Variants in BICD1 observed in about 807,000 individuals in gnomAD.
The protein encoded by BICD1 is BICD cargo adaptor 1.
BICD1 carries 35 observed loss-of-function variants against 92.5 expected under a neutral mutation model. The ratio of observed to expected loss-of-function variants is 0.38; its 90% CI spans 0.29 to 0.50. BICD1 has a LOEUF of 0.50. BICD1 is among the 20% of genes least tolerant of loss of function. BICD1 has a pLI of 0.93. For missense variants in BICD1, 950 were observed against 1,189.8 expected, an observed-to-expected ratio of 0.80 and a Z score of 2.97; for synonymous variants, 429 against 465.1, an observed-to-expected ratio of 0.92 and a Z score of 1.00.
intron 1 of BICD1, among the ~76,000 whole-genome samples, chr12:32,171,989 ACT>A (rs1476019788): frequency 9.3e-5 from 11 of 118,246 alleles, no homozygotes; most frequent in African/African-American, 2.9e-4. Context: ...ACACACACAC[ACT>A]AAAACTGCTG....
intron 1 of BICD1, among the ~76,000 whole-genome samples, chr12:32,147,212 A>G (rs185323056): frequency 2.2e-3 from 340 of 152,200 alleles, no homozygotes; most frequent in Non-Finnish European, 4.1e-3. Context: ...GATTACATAT[A>G]TGAGCCACTG....
At chr12:32,305,022 A>AGAAC (rs1234888969) in intron 3 of BICD1, among the ~76,000 whole-genome samples, 1 of 146,826 alleles carries the variant, frequency 6.8e-6, no homozygotes, top group African/African-American at 2.6e-5. Flanking sequence ...ACCCTCTCTC[A>AGAAC]AAACAAACCA....
At chr12:32,367,838 A>G in intron 9 of BICD1, 93 bp downstream of exon 9, 2 of 1,142,766 alleles carry the variant, frequency 1.8e-6, no homozygotes, top group Non-Finnish European at 2.6e-6. Context: ...CCTACGCATC[A>G]TTGTATTTTG....
intron 4 of BICD1, among the ~76,000 whole-genome samples, chr12:32,306,736 C>T (rs980396142): frequency 3.3e-5 from 5 of 151,518 alleles, no homozygotes; most frequent in African/African-American, 1.2e-4. Context: ...TTCCTTGGGC[C>T]GGGCGCGGTG....
At chr12:32,361,872 C>T (rs1006977425) in intron 8 of BICD1, among the ~76,000 whole-genome samples, 5 of 152,214 alleles carry the variant, frequency 3.3e-5, no homozygotes, top group African/African-American at 2.4e-5. Flanking sequence ...CCTCACTACT[C>T]ATCGTGGCTG....
At position 32,306,079 on chromosome 12, in the gene BICD1, T is replaced by C; in HGVS notation, c.962T>C (p.Leu321Pro). ...LNPVSDLFSELNISEIQKLKQ... is the reference protein window; with the variant it reads ...LNPVSDLFSEPNISEIQKLKQ... ...CCTGTCTCTGACTTATTCAGTGAGC[T>C]GAACATTTCAGAAATACAGAAGTTG... is the stretch of plus-strand genomic sequence containing the variant. The change falls in exon 4 of 10, where the codon CTG becomes CCG. Residue 321 changes from leucine to proline, a missense_variant. Leu to Pro is a moderately conservative substitution (Grantham distance 98). Coordinates refer to ENST00000652176, the MANE Select transcript of BICD1 (RefSeq NM_001714.4). The C allele has an allele frequency of 1.2e-6, 2 of 1,609,436 alleles. No individual in the cohort carries two copies. Among genetic ancestry groups the C allele is most frequent in the African/African-American group, 2.7e-5 (2 of 74,678 alleles).
intron 1 of BICD1, among the ~76,000 whole-genome samples, chr12:32,157,089 C>T (rs1231417003): frequency 6.6e-6 from 1 of 152,060 alleles, no homozygotes; most frequent in African/African-American, 2.4e-5. Context: ...AATCAAAGGT[C>T]TGGTTTTCAT....
intron 8 of BICD1, among the ~76,000 whole-genome samples, chr12:32,341,718 T>C (rs1040977999): frequency 6.6e-6 from 1 of 152,172 alleles, no homozygotes; most frequent in Non-Finnish European, 1.5e-5. Context: ...CAACATTTTC[T>C]AAAAGGTCCT....
chr12:32,155,887 A>ATG (rs1281522370), intron 1 of BICD1, among the ~76,000 whole-genome samples: 2 of 152,228 alleles, frequency 1.3e-5, no homozygotes, highest in Non-Finnish European at 2.9e-5. Context: ...GTCAGGCAAG[A>ATG]TGTACCAGGC....
At chr12:32,228,277 T>C (rs1313671472) in intron 2 of BICD1, 1 of 152,382 alleles carries the variant, frequency 6.6e-6, no homozygotes, top group South Asian at 2.1e-4. Context: ...GTCCATTTGT[T>C]GAAAAGACTA....
intron 1 of BICD1, among the ~76,000 whole-genome samples, chr12:32,165,703 A>AT (rs1243829276): frequency 6.8e-6 from 1 of 146,886 alleles, no homozygotes; most frequent in Non-Finnish European, 1.5e-5. Flanking sequence ...AAAAAAAAGT[A>AT]TTTGAGTTGA....
At chr12:32,372,488 A>G (rs1301817570) in intron 9 of BICD1, among the ~76,000 whole-genome samples, 2 of 152,192 alleles carry the variant, frequency 1.3e-5, no homozygotes, top group Non-Finnish European at 2.9e-5. Flanking sequence ...CTTAAAAAAA[A>G]AATTATTTTG....
chr12:32,319,894 G>C (rs1392831194), intron 4 of BICD1, among the ~76,000 whole-genome samples: 1 of 152,142 alleles, frequency 6.6e-6, no homozygotes, highest in African/African-American at 2.4e-5. Context: ...GAGTTGGGAA[G>C]GGCCCCTCTC....
chr12:32,239,236 G>C (rs1311601061), intron 2 of BICD1, among the ~76,000 whole-genome samples: 2 of 94,128 alleles, frequency 2.1e-5, no homozygotes, highest in East Asian at 3.4e-4. Flanking sequence ...GACAGAGTCA[G>C]ACTCCGTCTC....
chr12:32,189,008 A>G (rs763589821), intron 1 of BICD1, among the ~76,000 whole-genome samples: 8 of 152,224 alleles, frequency 5.3e-5, no homozygotes, highest in Non-Finnish European at 1.0e-4. Context: ...CTCACTAAGT[A>G]TCTTTATCGC....
Position 32,226,204 on chromosome 12 carries a change from G to A in BICD1, c.426+9745G>A, listed in dbSNP as rs530842073. Among the ~76,000 whole-genome samples, 3 of 151,748 alleles carry A rather than the reference G, an allele frequency of 2.0e-5. No individual in the cohort carries two copies. In the East Asian group the frequency reaches 5.9e-4, roughly 30 times the overall value. On this transcript the variant is annotated intron_variant, in intron 2 of 9. Coordinates refer to ENST00000652176, the MANE Select transcript of BICD1 (RefSeq NM_001714.4). The stretch of plus-strand genomic sequence containing the variant: ...TGCTGGAATGTAGTGGCATGATCTC[G>A]GCTCACTGCAGCCTCCACCTCCTGG...
At chr12:32,229,418 G>A (rs1444040341) in intron 2 of BICD1, among the ~76,000 whole-genome samples, 1 of 152,120 alleles carries the variant, frequency 6.6e-6, no homozygotes, top group Non-Finnish European at 1.5e-5. Context: ...AAAGAAACTG[G>A]TAAAGGAGAC....
intron 8 of BICD1, among the ~76,000 whole-genome samples, chr12:32,357,063 G>A (rs1270675566): frequency 6.7e-6 from 1 of 149,566 alleles, no homozygotes; most frequent in Non-Finnish European, 1.5e-5. Flanking sequence ...CCAAGCTGGA[G>A]TGTGATGGCG....
intron 1 of BICD1, among the ~76,000 whole-genome samples, chr12:32,168,007 C>CGTGTGTGTGTGTGTGT (rs10568100): frequency 8.7e-5 from 13 of 149,900 alleles, no homozygotes; most frequent in South Asian, 2.1e-4. Flanking sequence ...AAGGAGATGG[C>CGTGTGTGTGTGTGTGT]GTGTGTGTGT....
Sources: gnomAD v4.1 joint callset for allele counts (sites outside exome capture counted in the v4.1 genomes callset) on GRCh38, gnomAD v4.1.1 for gene constraint, MANE v1.5 for transcripts, NCBI Gene and HGNC (gene_info 2026-07-23, HGNC 2026-07-21) for gene names.